Variants in NOS1AP observed in about 807,000 individuals in gnomAD.
NOS1AP encodes carboxyl-terminal PDZ ligand of neuronal nitric oxide synthase protein.
A neutral mutation model predicts 56.2 loss-of-function variants in NOS1AP; 21 were observed. That is an observed-to-expected ratio of 0.37 (90% CI 0.26 to 0.54). The LOEUF is 0.54. NOS1AP is among the 20% of genes least tolerant of loss of function. NOS1AP has a pLI of 0.84. For missense variants in NOS1AP, 522 were observed against 657.8 expected (o/e 0.79, Z 2.26); for synonymous variants, 270 against 274.6 (o/e 0.98, Z 0.17).
intron 1 of NOS1AP, 42 bp from the exon 2 acceptor site, chr1:162,154,363 T>TGCTAC (rs755157604): frequency 1.3e-6 from 2 of 1,594,870 alleles, no homozygotes; most frequent in Non-Finnish European, 1.7e-6. Flanking sequence ...TAGGGACACT[T>TGCTAC]GCTACCCCTC....
chr1:162,268,274 A>G (rs1416260079), intron 2 of NOS1AP, among the ~76,000 whole-genome samples: 2 of 149,392 alleles, frequency 1.3e-5, no homozygotes, highest in South Asian at 2.1e-4. Context: ...AAAAAAAAAG[A>G]TCTTAAGTCT....
chr1:162,219,742 G>A (rs1026298180), intron 2 of NOS1AP, among the ~76,000 whole-genome samples: 1 of 152,146 alleles, frequency 6.6e-6, no homozygotes, highest in African/African-American at 2.4e-5. Context: ...TTATGCTTTA[G>A]GTTTTAGGCT....
chr1:162,178,917 A>G (rs774452414), intron 2 of NOS1AP, among the ~76,000 whole-genome samples: 1 of 151,978 alleles, frequency 6.6e-6, no homozygotes. Flanking sequence ...TCCGTCTTAT[A>G]CCTATCACTC....
chr1:162,344,638 G>A (rs552610093), intron 6 of NOS1AP, among the ~76,000 whole-genome samples: 16 of 151,116 alleles, frequency 1.1e-4, no homozygotes, highest in African/African-American at 3.9e-4. Flanking sequence ...TTCAACTCAG[G>A]AGGCGGAAGT....
At chr1:162,114,098 TAAAC>T (rs1647827386) in intron 1 of NOS1AP, among the ~76,000 whole-genome samples, 2 of 152,288 alleles carry the variant, frequency 1.3e-5, no homozygotes, top group Admixed American at 1.3e-4. Context: ...GTTTGGATTA[TAAAC>T]AAACACTTAA....
intron 1 of NOS1AP, among the ~76,000 whole-genome samples, chr1:162,106,832 A>C (rs7524564): frequency 0.065 from 9,947 of 152,270 alleles, 479 homozygotes; most frequent in African/African-American, 0.14. Flanking sequence ...TATGTGGGGG[A>C]ATGGGCAATT....
chr1:162,076,133 G>A (rs1182025859), intron 1 of NOS1AP, among the ~76,000 whole-genome samples: 1 of 152,000 alleles, frequency 6.6e-6, no homozygotes, highest in African/African-American at 2.4e-5. Flanking sequence ...GAATGCTTTC[G>A]CTGGCTATAA....
intron 2 of NOS1AP, among the ~76,000 whole-genome samples, chr1:162,221,171 C>T (rs1176820745): frequency 6.6e-6 from 1 of 152,160 alleles, no homozygotes; most frequent in Non-Finnish European, 1.5e-5. Flanking sequence ...GATCTCTTGG[C>T]CTCCCGATCC....
At chr1:162,296,338 A>G (rs1655462069) in intron 3 of NOS1AP, among the ~76,000 whole-genome samples, 1 of 152,144 alleles carries the variant, frequency 6.6e-6, no homozygotes, top group Non-Finnish European at 1.5e-5. Context: ...AATAACCAAA[A>G]CATTGGTGAG....
At chr1:162,189,888 C>T (rs781116802) in intron 2 of NOS1AP, among the ~76,000 whole-genome samples, 7 of 152,012 alleles carry the variant, frequency 4.6e-5, no homozygotes, top group African/African-American at 7.2e-5. Flanking sequence ...CTGTTCATGG[C>T]GAGGGATCAG....
chr1:162,186,875 G>C (rs1040043967), intron 2 of NOS1AP, among the ~76,000 whole-genome samples: 1 of 152,328 alleles, frequency 6.6e-6, no homozygotes, highest in South Asian at 2.1e-4. Context: ...TTTTCAGATT[G>C]TAATTGTTGC....
chr1:162,344,380 C>A (rs938172252), intron 6 of NOS1AP, among the ~76,000 whole-genome samples: 11 of 152,022 alleles, frequency 7.2e-5, no homozygotes, highest in African/African-American at 2.7e-4. Context: ...TTAATATCCC[C>A]AACTTTCAAG....
chr1:162,216,822 T>C (rs1360314053), intron 2 of NOS1AP, among the ~76,000 whole-genome samples: 1 of 152,248 alleles, frequency 6.6e-6, no homozygotes, highest in Non-Finnish European at 1.5e-5. Context: ...TGGTCAACTT[T>C]CTAAACTTCT....
At chr1:162,216,336 G>A (rs1460221643) in intron 2 of NOS1AP, among the ~76,000 whole-genome samples, 1 of 152,202 alleles carries the variant, frequency 6.6e-6, no homozygotes, top group Non-Finnish European at 1.5e-5. Context: ...GGGACTGGAG[G>A]TTGTATTAGG....
chr1:162,294,722 C>A (rs1017680525), intron 3 of NOS1AP, among the ~76,000 whole-genome samples: 1 of 152,160 alleles, frequency 6.6e-6, no homozygotes, highest in African/African-American at 2.4e-5. Flanking sequence ...TCCTAAAAGG[C>A]TCAGCAGTGC....
At chr1:162,337,929 A>G (rs1656991889) in intron 5 of NOS1AP, among the ~76,000 whole-genome samples, 1 of 152,234 alleles carries the variant, frequency 6.6e-6, no homozygotes, top group African/African-American at 2.4e-5. Flanking sequence ...CTGTATGTAG[A>G]AGTCCAAATA....
chr1:162,289,212 CCTTCCTT>C (rs1655189717), intron 3 of NOS1AP, among the ~76,000 whole-genome samples: 4 of 17,018 alleles, frequency 2.4e-4, no homozygotes, highest in African/African-American at 9.8e-4. Context: ...TCCTTCCTTT[CCTTCCTT>C]CCTTCCTTCC....
At chr1:162,189,594 G>A (rs139583067) in intron 2 of NOS1AP, among the ~76,000 whole-genome samples, 11 of 152,308 alleles carry the variant, frequency 7.2e-5, no homozygotes, top group African/African-American at 2.6e-4. Flanking sequence ...TAAGATAGGC[G>A]AGATCTCTCT....
At chr1:162,263,032 C>T (rs1654290067) in intron 2 of NOS1AP, among the ~76,000 whole-genome samples, 1 of 152,206 alleles carries the variant, frequency 6.6e-6, no homozygotes, top group South Asian at 2.1e-4. Context: ...GTTTCATCCT[C>T]TGTGAGTACT....
Sources: allele counts gnomAD v4.1 joint callset (sites outside exome capture counted in the v4.1 genomes callset), GRCh38; gene constraint gnomAD v4.1.1; transcripts MANE v1.5; gene names NCBI Gene and HGNC (gene_info 2026-07-23, HGNC 2026-07-21).